Variants in CCSER1 observed in about 807,000 individuals in gnomAD.
The protein encoded by CCSER1 is serine-rich coiled-coil domain-containing protein 1.
CCSER1 carries 41 observed loss-of-function variants against 82.0 expected under a neutral mutation model. That is an observed-to-expected ratio of 0.50 (90% confidence interval 0.39 to 0.65). The LOEUF (loss-of-function observed/expected upper bound fraction) is 0.65. CCSER1 is among the 30% of genes least tolerant of loss of function. The pLI, the probability that CCSER1 is intolerant of heterozygous loss-of-function variation, is 0.00. For synonymous variants in CCSER1, 414 were observed against 383.9 expected, an observed-to-expected ratio of 1.08 and a Z score of -0.92; for missense variants, 1,119 against 1,064.2, an observed-to-expected ratio of 1.05 and a Z score of -0.72.
At chr4:90,473,945 T>C (rs903884875) in intron 5 of CCSER1, among the ~76,000 whole-genome samples, 9 of 152,176 alleles carry the variant, frequency 5.9e-5, no homozygotes, top group Non-Finnish European at 1.2e-4. Context: ...CTAGGGGTTT[T>C]GTGTTGAAAA....
intron 10 of CCSER1, among the ~76,000 whole-genome samples, chr4:91,186,199 G>A (rs963675377): frequency 2.0e-5 from 3 of 152,076 alleles, no homozygotes; most frequent in African/African-American, 7.2e-5. Context: ...TAATAAGGAG[G>A]GGTTACAGAA....
chr4:90,446,558 T>C (rs1023494754), intron 4 of CCSER1, among the ~76,000 whole-genome samples: 1 of 152,120 alleles, frequency 6.6e-6, no homozygotes, highest in African/African-American at 2.4e-5. Context: ...AAAAGGAAGA[T>C]GTAGGGGAAA....
chr4:91,496,858 T>C lies in CCSER1; in HGVS notation c.2218-101714T>C, dbSNP rs182189941. Among the ~76,000 whole-genome samples the C allele has an allele frequency of 1.6e-3, 207 of 130,886 alleles. 2 individuals carry two copies. Among genetic ancestry groups the C allele is most frequent in the African/African-American group, 5.5e-3 (198 of 36,004 alleles). The allele number at this position is 130,886 out of a possible 152,430, so 85.9% of individuals were successfully genotyped here. On this transcript the variant is annotated intron_variant, in intron 10 of 10. Coordinates refer to ENST00000509176, the MANE Select transcript of CCSER1 (RefSeq NM_001145065.2). ...TATTGAATATATATATATTCAAATATATATTGAATATATATATTCAATTCA... is the reference window on the plus strand; with the variant it reads ...TATTGAATATATATATATTCAAATACATATTGAATATATATATTCAATTCA...
Position 91,106,126 on chromosome 4 carries a change from C to CT in CCSER1, c.2217+20132_2217+20133insT, listed in dbSNP as rs1725589518. Among the ~76,000 whole-genome samples the CT allele has an allele frequency of 2.0e-5, 3 of 152,270 alleles. No homozygotes were observed. In the South Asian group the frequency reaches 6.2e-4, roughly 32 times the overall value. On this transcript the variant is annotated intron_variant, in intron 10 of 10. Transcript: ENST00000509176. ...ACTCTGAACACTAGAAAAACAGGGTCCTGTCTCTTCGCCATAAAAAATGAG... is the reference window on the plus strand; with the variant it reads ...ACTCTGAACACTAGAAAAACAGGGTCTCTGTCTCTTCGCCATAAAAAATGAG...
chr4:90,726,327 A>G (rs1262130628), intron 7 of CCSER1, among the ~76,000 whole-genome samples: 2 of 152,014 alleles, frequency 1.3e-5, no homozygotes, highest in Non-Finnish European at 2.9e-5. Context: ...AATTATTTTT[A>G]TAAAAAATAA....
chr4:90,791,832 AACAC>A (rs570994423), intron 7 of CCSER1, among the ~76,000 whole-genome samples: 19 of 130,622 alleles, frequency 1.5e-4, no homozygotes, highest in Non-Finnish European at 3.2e-4. Flanking sequence ...AAAAAAAAAA[AACAC>A]ACACACACAC....
chr4:91,100,192 A>G (rs1296406179), intron 10 of CCSER1, among the ~76,000 whole-genome samples: 1 of 151,118 alleles, frequency 6.6e-6, no homozygotes, highest in Non-Finnish European at 1.5e-5. Context: ...GGGCAAGATA[A>G]AAAAAAAATC....
chr4:91,113,715 AG>A, intron 10 of CCSER1, among the ~76,000 whole-genome samples: 1 of 152,348 alleles, frequency 6.6e-6, no homozygotes, highest in East Asian at 1.9e-4. Context: ...TGTTTCTATA[AG>A]CTTTTACTAA....
chr4:91,423,033 T>C (rs2149385081), intron 10 of CCSER1, among the ~76,000 whole-genome samples: 1 of 152,312 alleles, frequency 6.6e-6, no homozygotes, highest in Non-Finnish European at 1.5e-5. Context: ...GAGTTTATTC[T>C]AGAAAACCTG....
At chr4:90,205,366 C>T (rs1434181240) in intron 1 of CCSER1, among the ~76,000 whole-genome samples, 1 of 152,110 alleles carries the variant, frequency 6.6e-6, no homozygotes, top group Non-Finnish European at 1.5e-5. Context: ...AGATAGGTTC[C>T]CTCAATACCT....
intron 10 of CCSER1, among the ~76,000 whole-genome samples, chr4:91,103,086 C>G (rs553654101): frequency 6.6e-6 from 1 of 152,134 alleles, no homozygotes; most frequent in Non-Finnish European, 1.5e-5. Context: ...AAACCCACAA[C>G]GGAAAAACAC....
At chr4:90,359,903 A>G (rs1435547336) in intron 3 of CCSER1, among the ~76,000 whole-genome samples, 20 of 145,630 alleles carry the variant, frequency 1.4e-4, no homozygotes, top group East Asian at 4.1e-4. Context: ...GTGTGTATAT[A>G]TATATATATA....
At chr4:90,879,590 A>C (rs1720952160) in intron 8 of CCSER1, among the ~76,000 whole-genome samples, 1 of 120,094 alleles carries the variant, frequency 8.3e-6, no homozygotes, top group Non-Finnish European at 1.8e-5. Context: ...GAAGAGGAGG[A>C]GGAGGAGGAG....
intron 10 of CCSER1, among the ~76,000 whole-genome samples, chr4:91,358,787 G>A (rs1380625338): frequency 3.9e-5 from 6 of 152,094 alleles, no homozygotes; most frequent in South Asian, 2.1e-4. Flanking sequence ...CTGCTCTGGC[G>A]AGGTGTTCCA....
intron 6 of CCSER1, among the ~76,000 whole-genome samples, chr4:90,640,507 C>T (rs942574339): frequency 1.3e-5 from 2 of 152,034 alleles, no homozygotes; most frequent in African/African-American, 2.4e-5. Flanking sequence ...AATGTTATTA[C>T]TTAATACTGC....
chr4:91,108,131 G>C (rs1402106962), intron 10 of CCSER1: 1 of 152,126 alleles, frequency 6.6e-6, no homozygotes. Context: ...TAACAATATA[G>C]TAAATTAAAA....
At chr4:90,836,648 C>T (rs1761840821) in intron 8 of CCSER1, among the ~76,000 whole-genome samples, 1 of 152,338 alleles carries the variant, frequency 6.6e-6, no homozygotes, top group Admixed American at 6.5e-5. Flanking sequence ...GCAGCCACAG[C>T]CACACACTAG....
intron 10 of CCSER1, among the ~76,000 whole-genome samples, chr4:91,390,285 A>G (rs11734738): frequency 2.3e-4 from 35 of 151,904 alleles, no homozygotes; most frequent in Non-Finnish European, 1.6e-4. Flanking sequence ...CTTTTTCTGC[A>G]TATATTTATA....
chr4:90,448,187 G>A (rs1369332326), intron 4 of CCSER1, among the ~76,000 whole-genome samples: 11 of 151,690 alleles, frequency 7.3e-5, no homozygotes, highest in Admixed American at 6.6e-5. Context: ...GCAATTTTAA[G>A]TTAAGCATTA....
Sources: allele counts gnomAD v4.1 joint callset (sites outside exome capture counted in the v4.1 genomes callset), GRCh38; gene constraint gnomAD v4.1.1; transcripts MANE v1.5; gene names NCBI Gene and HGNC (gene_info 2026-07-23, HGNC 2026-07-21).